The following SRP68 variants were observed in gnomAD, a reference collection of about 807,000 sequenced individuals.
The protein encoded by SRP68 is signal recognition particle 68, also known as signal recognition particle subunit SRP68.
In SRP68, 15 loss-of-function variants were observed where a neutral mutation model predicts 82.2. That is an observed-to-expected ratio of 0.18 (90% CI 0.12 to 0.28). The LOEUF (loss-of-function observed/expected upper bound fraction) is 0.28. Among genes scored for constraint, SRP68 ranks in the 10% least tolerant of loss-of-function variants. SRP68 has a pLI of 1.00. For synonymous variants in SRP68, 261 were observed against 292.6 expected (o/e 0.89, Z 1.10); for missense variants, 595 against 780.5 (o/e 0.76, Z 2.83).
intron 8 of SRP68, among the ~76,000 whole-genome samples, chr17:76,051,930 CAG>C (rs1489391389): frequency 1.3e-5 from 2 of 152,168 alleles, no homozygotes; most frequent in African/African-American, 4.8e-5. Flanking sequence ...GTTTTTGAGA[CAG>C]AGTCTTGCTC....
chr17:76,052,551 TC>T (rs2066681032), intron 8 of SRP68, among the ~76,000 whole-genome samples: 1 of 152,026 alleles, frequency 6.6e-6, no homozygotes, highest in African/African-American at 2.4e-5. Context: ...ACGCCTGTAA[TC>T]CCAGCACTTT....
In SRP68 at chr17:76,060,385, G is replaced by T; in HGVS notation, c.760C>A (p.Gln254Lys). 6.2e-7 allele frequency: 1 copy of T among 1,611,736 alleles called. No homozygotes were observed. Among genetic ancestry groups the T allele is most frequent in the African/African-American group, 1.3e-5 (1 of 74,470 alleles). ...IRYCAYNIGD[Q>K]SAINELMQMR... ...TGCATGAGTTCATTGATGGCTGACT[G>T]GTCCCCTAAGAGAGAAAGACAGGAA... Residue 254 changes from glutamine (Q) to lysine (K), a missense_variant, in exon 7 of 16, where the codon CAG (glutamine) becomes AAG (lysine). This residue lies in a region of SRP68 where 495 missense variants were observed against 688.6 expected (regional missense o/e 0.72). Coordinates refer to ENST00000307877, the MANE Select transcript of SRP68 (RefSeq NM_014230.4).
intron 13 of SRP68, chr17:76,041,520 G>T (rs781375414): frequency 1.3e-5 from 2 of 152,368 alleles, no homozygotes; most frequent in Non-Finnish European, 2.9e-5. Flanking sequence ...ACCTGAGAAG[G>T]TCTGGATGCC....
intron 15 of SRP68, among the ~76,000 whole-genome samples, 167 bp from the exon 16 acceptor site, chr17:76,040,100 A>C (rs1407423131): frequency 6.6e-6 from 1 of 152,202 alleles, no homozygotes; most frequent in Non-Finnish European, 1.5e-5. Context: ...CCTGCCTTGT[A>C]GTCAAAGTCA....
rs1179171543 is a variant in SRP68 at position 76,046,145 on chromosome 17, T to C, written c.1192A>G (p.Met398Val). 1 of 1,613,926 alleles carries C rather than the reference T, an allele frequency of 6.2e-7. No homozygotes were observed. Among genetic ancestry groups the C allele is most frequent in the African/African-American group, 1.3e-5 (1 of 75,026 alleles). ...LSTAIKRNEN[M>V]AKGLQRALLQ... is the part of the protein sequence containing the mutation. ...AGAGCCCTCTGCAGACCTTTGGCCATGTTCTCATTACGCTTGATTGCCGTT... is the reference window on the plus strand; with the variant it reads ...AGAGCCCTCTGCAGACCTTTGGCCACGTTCTCATTACGCTTGATTGCCGTT... Residue 398 changes from methionine to valine, a missense_variant, in exon 11 of 16, where the codon ATG (methionine) becomes GTG (valine). This residue lies in a region of SRP68 where 495 missense variants were observed against 688.6 expected (regional missense o/e 0.72). Coordinates refer to ENST00000307877, the MANE Select transcript of SRP68 (RefSeq NM_014230.4).
intron 4 of SRP68, among the ~76,000 whole-genome samples, chr17:76,062,945 T>C (rs572571219): frequency 1.3e-3 from 187 of 148,966 alleles, no homozygotes; most frequent in Middle Eastern, 6.8e-3. Flanking sequence ...TAATTTTTTG[T>C]ATTTTTAGTA....
At chr17:76,046,894 T>C (rs964738811) in intron 10 of SRP68, among the ~76,000 whole-genome samples, 2 of 152,112 alleles carry the variant, frequency 1.3e-5, no homozygotes, top group East Asian at 1.9e-4. Flanking sequence ...TGAGCCAAGA[T>C]TGCGCCACTG....
At chr17:76,062,920 G>A (rs1004956702) in intron 4 of SRP68, among the ~76,000 whole-genome samples, 11 of 147,996 alleles carry the variant, frequency 7.4e-5, no homozygotes, top group East Asian at 2.0e-4. Flanking sequence ...ACAGGTGTCC[G>A]CCACTACGCC....
Position 76,071,455 on chromosome 17 carries a change from C to T in SRP68, c.184+853G>A, listed in dbSNP as rs972477876. ...GAGACATATTTTAAAATAGTGAACG[C>T]TAAAAGGACTCTTTAAATTACTAAA... On this transcript the variant is annotated intron_variant, in intron 1 of 15. Transcript: ENST00000307877. The surrounding 1 kb of genome is among the most constrained non-coding windows in gnomAD (Gnocchi z 4.7). 5.3e-5 allele frequency among the ~76,000 whole-genome samples: 8 copies of T among 152,086 alleles called. No individual in the cohort carries two copies. The highest frequency in any genetic ancestry group is 1.9e-4 in the African/African-American group (8 of 41,382).
chr17:76,063,284 CTCT>C (rs1252862996), intron 4 of SRP68, among the ~76,000 whole-genome samples: 1 of 152,194 alleles, frequency 6.6e-6, no homozygotes, highest in Non-Finnish European at 1.5e-5. Context: ...TATCTACCAT[CTCT>C]TTTTTAAAAA....
Position 76,039,346 on chromosome 17 carries a change from A to G in SRP68, c.*360T>C. The G allele has an allele frequency of 2.1e-6, 1 of 482,956 alleles. No individual in the cohort carries two copies. The highest frequency in any genetic ancestry group is 4.1e-6 in the Non-Finnish European group (1 of 244,914). The allele number at this position is 482,956 out of a possible 1,614,324, so 29.9% of individuals were successfully genotyped here. On this transcript the variant is annotated 3_prime_UTR_variant, in exon 16 of 16. Coordinates refer to ENST00000307877, the MANE Select transcript of SRP68 (RefSeq NM_014230.4). Reference sequence around the variant, plus strand: ...AGTTCATTTCAAATCCATGGTACTGAAGAAGCATGACAAAGCGTTTCAAGG... The same window carrying G: ...AGTTCATTTCAAATCCATGGTACTGGAGAAGCATGACAAAGCGTTTCAAGG...
chr17:76,067,945 T>G (rs2066819472), intron 2 of SRP68, among the ~76,000 whole-genome samples: 1 of 152,076 alleles, frequency 6.6e-6, no homozygotes, highest in Non-Finnish European at 1.5e-5. Flanking sequence ...AGGACATGGG[T>G]AATCATTCTC....
rs758492125 is a variant in SRP68 at position 76,045,366 on chromosome 17, C to G, written c.1320G>C (p.Gln440His). ...IILQNLVELL[Q>H]LPGLEEDKAF... is the part of the protein sequence containing the mutation. Reference sequence around the variant, plus strand: ...CTTTGTCTTCCTCTAAACCAGGAAGCTGGAGCAATTCCACCAGATTCTGTA... The same window carrying G: ...CTTTGTCTTCCTCTAAACCAGGAAGGTGGAGCAATTCCACCAGATTCTGTA... Residue 440 changes from glutamine to histidine, a missense_variant, in exon 12 of 16, where the codon CAG becomes CAC. Gln to His is a conservative substitution (Grantham distance 24). Transcript: ENST00000307877. The G allele has an allele frequency of 6.2e-6, 10 of 1,612,948 alleles. No individual in the cohort carries two copies. The South Asian group carries it at 8.8e-5, about 14-fold the overall frequency.
rs1211339096 is a variant in SRP68, at chr17:76,072,124, G to T, written c.184+184C>A. On this transcript the variant is annotated intron_variant, in intron 1 of 15. Coordinates refer to ENST00000307877, the MANE Select transcript of SRP68 (RefSeq NM_014230.4). This position sits in a 1 kb window ranked among gnomAD's most constrained non-coding sequence, Gnocchi z 4.5. The stretch of plus-strand genomic sequence containing the variant: ...CTAGCCAGGACGGCGAGGGGGACAC[G>T]AGGAAAGACTAGTCGAGAGACAGAC... 1.7e-6 allele frequency: 2 copies of T among 1,185,284 alleles called. No homozygotes were observed. The highest frequency in any genetic ancestry group is 3.2e-5 in the African/African-American group (2 of 62,552). 73.4% of individuals were successfully genotyped at this position (1,185,284 alleles called of 1,614,324 possible). A position where few individuals can be genotyped will look rare whatever the true frequency, so the allele number is the denominator to read the frequency against.
At chr17:76,056,121 C>A (rs1157647797) in intron 8 of SRP68, among the ~76,000 whole-genome samples, 2 of 152,036 alleles carry the variant, frequency 1.3e-5, no homozygotes, top group African/African-American at 4.8e-5. Context: ...AGTAACTTTT[C>A]AAAATTACTT....
chr17:76,043,790 C>A, intron 13 of SRP68, 39 bp downstream of exon 13: 1 of 1,555,204 alleles, frequency 6.4e-7, no homozygotes, highest in Non-Finnish European at 8.7e-7. Context: ...ACTCCATAAC[C>A]TGCCAGGGCT....
At chr17:76,048,080 C>A (rs886542139) in intron 9 of SRP68, 110 bp from the exon 10 acceptor site, 9 of 517,474 alleles carry the variant, frequency 1.7e-5, no homozygotes, top group Non-Finnish European at 3.0e-5. Flanking sequence ...GACACAAACT[C>A]TAGTAAGACA....
chr17:76,047,085 C>A (rs1045976848), intron 10 of SRP68, among the ~76,000 whole-genome samples: 1 of 152,152 alleles, frequency 6.6e-6, no homozygotes, highest in Non-Finnish European at 1.5e-5. Context: ...GAGGCAAGGG[C>A]CGCAGGGAGC....
At chr17:76,050,754 A>ATTTTTTTTTTT (rs2066666599) in intron 8 of SRP68, among the ~76,000 whole-genome samples, 1 of 70,388 alleles carries the variant, frequency 1.4e-5, no homozygotes, top group African/African-American at 5.4e-5. Flanking sequence ...AAAAGCAAAC[A>ATTTTTTTTTTT]TGCTGAAAAA....
Sources: allele counts gnomAD v4.1 joint callset (sites outside exome capture counted in the v4.1 genomes callset), GRCh38; gene constraint gnomAD v4.1.1; regional missense constraint gnomAD v4.1.1; non-coding constraint Gnocchi (gnomAD v3.1); transcripts MANE v1.5; gene names NCBI Gene and HGNC (gene_info 2026-07-23, HGNC 2026-07-21).